ERC2: variants seen among roughly 807,000 people sequenced by gnomAD.
ERC2 encodes the protein ELKS/RAB6-interacting/CAST family member 2.
Under a neutral mutation model 114.8 loss-of-function variants are expected in ERC2, and 42 were observed. The ratio of observed to expected loss-of-function variants is 0.37; its 90% CI spans 0.29 to 0.47. The LOEUF (loss-of-function observed/expected upper bound fraction) is 0.47. Among genes scored for constraint, ERC2 ranks in the 20% least tolerant of loss-of-function variants. ERC2 has a pLI of 0.99. For missense variants in ERC2, 939 were observed against 1,150.7 expected (o/e 0.82, Z 2.66); for synonymous variants, 454 against 425.5 (o/e 1.07, Z -0.82).
intron 17 of ERC2, among the ~76,000 whole-genome samples, chr3:55,660,010 A>G (rs2061052968): frequency 6.6e-6 from 1 of 152,050 alleles, no homozygotes; most frequent in Non-Finnish European, 1.5e-5. Context: ...ATTAGCCTGG[A>G]GTAATGGAGC....
intron 14 of ERC2, among the ~76,000 whole-genome samples, chr3:55,813,037 T>G (rs1027693799): frequency 2.0e-5 from 3 of 152,200 alleles, no homozygotes; most frequent in Non-Finnish European, 4.4e-5. Context: ...AAAAGTCCAA[T>G]GAGAAAATAC....
intron 6 of ERC2, among the ~76,000 whole-genome samples, chr3:56,088,268 G>A (rs1276872295): frequency 6.6e-6 from 1 of 152,160 alleles, no homozygotes; most frequent in East Asian, 1.9e-4. Context: ...CTTACAGTAT[G>A]ATGGGTTAAA....
intron 2 of ERC2, among the ~76,000 whole-genome samples, chr3:56,311,553 C>G (rs150833381): frequency 6.6e-6 from 1 of 151,614 alleles, no homozygotes; most frequent in Non-Finnish European, 1.5e-5. Context: ...CCCGCCTCGG[C>G]CTTCTAAAGT....
At chr3:56,149,978 A>AC (rs150656309) in intron 4 of ERC2, among the ~76,000 whole-genome samples, 3 of 152,286 alleles carry the variant, frequency 2.0e-5, no homozygotes, top group African/African-American at 7.2e-5. Flanking sequence ...AAACAAAAAA[A>AC]ATGACGAAAA....
intron 4 of ERC2, among the ~76,000 whole-genome samples, chr3:56,160,504 G>T (rs898755272): frequency 1.3e-5 from 2 of 151,990 alleles, no homozygotes; most frequent in Non-Finnish European, 2.9e-5. Context: ...GTCAATTTTT[G>T]GTTTTGTTGC....
At chr3:55,581,950 T>C (rs1219621472) in intron 17 of ERC2, among the ~76,000 whole-genome samples, 1 of 152,178 alleles carries the variant, frequency 6.6e-6, no homozygotes, top group Non-Finnish European at 1.5e-5. Flanking sequence ...GAAATATACA[T>C]GCATGCTGTC....
At chr3:56,024,218 A>C (rs759949899) in intron 7 of ERC2, among the ~76,000 whole-genome samples, 5 of 152,208 alleles carry the variant, frequency 3.3e-5, no homozygotes, top group Non-Finnish European at 7.3e-5. Context: ...GGGTCAGGGA[A>C]AATAGTATAG....
Position 56,440,310 on chromosome 3 carries a change from G to A in ERC2, c.-140-5163C>T, listed in dbSNP as rs1377313464. ...TGTAATCCCAGCACTTTGGGAGGCCGAGGCGGGTGGATCACGAGGTCAGGA... is the reference window on the plus strand; with the variant it reads ...TGTAATCCCAGCACTTTGGGAGGCCAAGGCGGGTGGATCACGAGGTCAGGA... On this transcript the variant is annotated intron_variant, in intron 1 of 17. Coordinates refer to ENST00000288221, the MANE Select transcript of ERC2 (RefSeq NM_015576.3). Among the ~76,000 whole-genome samples the A allele has an allele frequency of 3.9e-5, 6 of 152,238 alleles. No individual in the cohort carries two copies. The East Asian group carries it at 7.7e-4, about 20-fold the overall frequency.
At chr3:55,636,738 T>C (rs1473242709) in intron 17 of ERC2, among the ~76,000 whole-genome samples, 1 of 152,238 alleles carries the variant, frequency 6.6e-6, no homozygotes, top group Non-Finnish European at 1.5e-5. Flanking sequence ...GGTGTGGCTG[T>C]GCTCCAACAA....
intron 12 of ERC2, among the ~76,000 whole-genome samples, chr3:55,982,339 T>C (rs943603902): frequency 4.6e-5 from 7 of 152,152 alleles, no homozygotes; most frequent in Non-Finnish European, 7.3e-5. Context: ...AAAAAACCAA[T>C]GCCTTTTCTT....
chr3:55,602,832 G>A (rs964890287), intron 17 of ERC2, among the ~76,000 whole-genome samples: 4 of 152,150 alleles, frequency 2.6e-5, no homozygotes, highest in Non-Finnish European at 5.9e-5. Flanking sequence ...GAGAGGACTT[G>A]TTTACCTCTT....
intron 2 of ERC2, among the ~76,000 whole-genome samples, chr3:56,332,136 ACACACACACACATGTG>A (rs1327370310): frequency 1.6e-5 from 1 of 61,858 alleles, no homozygotes; most frequent in South Asian, 7.8e-4. Flanking sequence ...TATTTTTCAC[ACACACACACACATGTG>A]CACACACACA....
intron 12 of ERC2, among the ~76,000 whole-genome samples, chr3:55,973,513 T>C (rs2069335049): frequency 6.6e-6 from 1 of 152,254 alleles, no homozygotes; most frequent in Non-Finnish European, 1.5e-5. Flanking sequence ...GTTTTTATGA[T>C]GCCATGCAAG....
intron 3 of ERC2, among the ~76,000 whole-genome samples, chr3:56,223,276 T>C (rs1256376738): frequency 6.6e-6 from 1 of 152,192 alleles, no homozygotes; most frequent in Admixed American, 6.5e-5. Flanking sequence ...CTGGAGGAGA[T>C]TCCTTTGCTG....
intron 2 of ERC2, among the ~76,000 whole-genome samples, chr3:56,361,203 C>T (rs914010040): frequency 2.0e-5 from 3 of 152,090 alleles, no homozygotes; most frequent in African/African-American, 7.2e-5. Context: ...GCAGCTGCTG[C>T]ACCAGGACGG....
At chr3:56,135,642 G>A (rs551522253) in intron 6 of ERC2, among the ~76,000 whole-genome samples, 133 of 152,346 alleles carry the variant, frequency 8.7e-4, no homozygotes, top group African/African-American at 3.1e-3. Flanking sequence ...TGAAGGCTCA[G>A]AGAAGTTCAA....
intron 4 of ERC2, among the ~76,000 whole-genome samples, chr3:56,158,193 C>A (rs2081843562): frequency 6.6e-6 from 1 of 152,154 alleles, no homozygotes; most frequent in Non-Finnish European, 1.5e-5. Context: ...TAGTCCAATC[C>A]CTTCATTTGT....
At chr3:55,554,229 C>A (rs886105068) in intron 17 of ERC2, among the ~76,000 whole-genome samples, 3 of 152,132 alleles carry the variant, frequency 2.0e-5, no homozygotes, top group Non-Finnish European at 2.9e-5. Context: ...CCAGTTGTTC[C>A]ATCTGTAAAG....
intron 4 of ERC2, among the ~76,000 whole-genome samples, chr3:56,164,833 C>A (rs2082243562): frequency 6.6e-6 from 1 of 152,030 alleles, no homozygotes; most frequent in African/African-American, 2.4e-5. Context: ...ATTGGCATTT[C>A]CCTAATGACG....
Sources: gnomAD v4.1 joint callset for allele counts (sites outside exome capture counted in the v4.1 genomes callset) on GRCh38, gnomAD v4.1.1 for gene constraint, MANE v1.5 for transcripts, NCBI Gene and HGNC (gene_info 2026-07-23, HGNC 2026-07-21) for gene names.